PLXNB2: variants seen among roughly 807,000 people sequenced by gnomAD.
PLXNB2 encodes plexin B2.
Under a neutral mutation model 202.6 loss-of-function variants are expected in PLXNB2, and 85 were observed. The ratio of observed to expected loss-of-function variants is 0.42; its 90% confidence interval spans 0.35 to 0.50. The LOEUF (loss-of-function observed/expected upper bound fraction) is 0.50, where lower values mean the gene tolerates loss of function less well. PLXNB2 is among the 20% of genes least tolerant of loss of function. PLXNB2 has a pLI of 0.02. For missense variants in PLXNB2, 2,063 were observed against 2,586.2 expected, an observed-to-expected ratio of 0.80 and a Z score of 4.39; for synonymous variants, 1,239 against 1,137.6, an observed-to-expected ratio of 1.09 and a Z score of -1.79.
chr22:50,288,672 C>T lies in PLXNB2; in HGVS notation c.1380+71G>A. The T allele has an allele frequency of 6.3e-7, 1 of 1,586,570 alleles. No homozygotes were observed. The highest frequency in any genetic ancestry group is 1.7e-5 in the Admixed American group (1 of 59,100). ...ATCCTCCTCTGGCCCCCAGGCCTGT[C>T]CTAAGGGCCTGGGATGCAATGACCG... On this transcript the variant is annotated intron_variant, in intron 5 of 36. Coordinates refer to ENST00000359337, the MANE Select transcript of PLXNB2 (RefSeq NM_012401.4). The surrounding 1 kb of genome is among the most constrained non-coding windows in gnomAD (Gnocchi z 5.0).
rs1402809986 is a variant in PLXNB2, at chr22:50,284,035, C to A, written c.2264-45G>T. On this transcript the variant is annotated intron_variant, in intron 13 of 36. Transcript: ENST00000359337. The surrounding 1 kb of genome is among the most constrained non-coding windows in gnomAD (Gnocchi z 8.0). ...CAGTGGTCACCCCGTGCCTGCCCGCCCCCGACCTGCTCCCCACTGCGCCCA... is the reference window on the plus strand; with the variant it reads ...CAGTGGTCACCCCGTGCCTGCCCGCACCCGACCTGCTCCCCACTGCGCCCA... The A allele has an allele frequency of 3.9e-6, 6 of 1,523,070 alleles. No homozygotes were observed. In the East Asian group the frequency reaches 1.5e-4, roughly 37 times the overall value. The allele number at this position is 1,523,070 out of a possible 1,614,324, so 94.3% of individuals were successfully genotyped here. A position where few individuals can be genotyped will look rare whatever the true frequency, so the allele number is the denominator to read the frequency against.
At position 50,297,801 on chromosome 22, in the gene PLXNB2, T is replaced by C. The variant is rs2067383401; in HGVS notation, c.-73-3023A>G. Among the ~76,000 whole-genome samples, 2 of 152,128 alleles carry C rather than the reference T, an allele frequency of 1.3e-5. No homozygotes were observed. The highest frequency in any genetic ancestry group is 2.9e-5 in the Non-Finnish European group (2 of 68,020). On this transcript the variant is annotated intron_variant, in intron 1 of 36. Transcript: ENST00000359337. This position sits in a 1 kb window ranked among gnomAD's most constrained non-coding sequence, Gnocchi z 5.3. Reference sequence around the variant, plus strand: ...TCATGTGGGCCATTCAGAAAGCTGCTCTGTGCCTCAGTTTCCCCATATGTA... The same window carrying C: ...TCATGTGGGCCATTCAGAAAGCTGCCCTGTGCCTCAGTTTCCCCATATGTA...
At chr22:50,279,907 G>T in intron 26 of PLXNB2, 98 bp downstream of exon 26, 3 of 1,394,274 alleles carry the variant, frequency 2.2e-6, no homozygotes, top group African/African-American at 1.4e-5. Flanking sequence ...TCCAGGCAGG[G>T]CCCACCTCAA....
At position 50,286,241 on chromosome 22, in the gene PLXNB2, G is replaced by T. The variant is rs1246119181; in HGVS notation, c.1809C>A (p.Ile603=). ...TIQLLLRRGN[I]FLTSYQYPFY... Reference sequence around the variant, plus strand: ...AGGGGTACTGGTAGGACGTGAGGAAGATGTTGCCTCGTCTAAGGAGGAGCT... The same window carrying T: ...AGGGGTACTGGTAGGACGTGAGGAATATGTTGCCTCGTCTAAGGAGGAGCT... The change falls in exon 9 of 37, where the codon ATC becomes ATA. Residue 603 remains isoleucine, a synonymous_variant. Transcript: ENST00000359337. 3 of 1,613,210 alleles carry T rather than the reference G, an allele frequency of 1.9e-6. No individual in the cohort carries two copies. The highest frequency in any genetic ancestry group is 2.7e-5 in the African/African-American group (2 of 74,942).
chr22:50,284,892 C>T lies in PLXNB2; in HGVS notation c.2089-227G>A, dbSNP rs1236122307. The T allele has an allele frequency of 7.6e-6, 5 of 659,364 alleles. No individual in the cohort carries two copies. The Admixed American group carries it at 8.3e-5, about 11-fold the overall frequency. 40.8% of individuals were successfully genotyped at this position (659,364 alleles called of 1,614,324 possible). On this transcript the variant is annotated intron_variant, in intron 11 of 36. Coordinates refer to ENST00000359337, the MANE Select transcript of PLXNB2 (RefSeq NM_012401.4). The surrounding 1 kb of genome is among the most constrained non-coding windows in gnomAD (Gnocchi z 8.0). ...ACGTCCTCTGTGGGTTTCCCACGGC[C>T]ACCTCCACCACTCATCCACACCTGA...
chr22:50,281,987 A>G lies in PLXNB2; in HGVS notation c.3212T>C (p.Val1071Ala). The stretch of plus-strand genomic sequence containing the variant: ...ACGGTGCCCGTCCATCTCGATCAGC[A>G]CCGTGAGGTTGTAGGCCTCTGGCTC... ...PEEPEAYNLT[V>A]LIEMDGHRAL... The change falls in exon 20 of 37, where the codon GTG becomes GCG. Residue 1071 changes from valine (V) to alanine (A), a missense_variant. Val to Ala is a moderately conservative substitution (Grantham distance 64, BLOSUM62 0). This residue lies in a region of PLXNB2 where 760 missense variants were observed against 1,109.4 expected (regional missense o/e 0.69). Transcript: ENST00000359337. 1 of 1,613,048 alleles carries G rather than the reference A, an allele frequency of 6.2e-7. No homozygotes were observed. Among genetic ancestry groups the G allele is most frequent in the Non-Finnish European group, 8.5e-7 (1 of 1,179,960 alleles).
At position 50,288,391 on chromosome 22, in the gene PLXNB2, AC is replaced by A. The variant is rs1403812458; in HGVS notation, c.1380+351del. ...CCCATGTTCTCCACTGACTGAGCTCACATGGGCTGTGCAGGGACCCCGTCTT... is the reference window on the plus strand; with the variant it reads ...CCCATGTTCTCCACTGACTGAGCTCAATGGGCTGTGCAGGGACCCCGTCTT... On this transcript the variant is annotated intron_variant, in intron 5 of 36. Transcript: ENST00000359337. This position sits in a 1 kb window ranked among gnomAD's most constrained non-coding sequence, Gnocchi z 5.0. Among the ~76,000 whole-genome samples the A allele has an allele frequency of 6.6e-6, 1 of 152,156 alleles. No individual in the cohort carries two copies. Among genetic ancestry groups the A allele is most frequent in the East Asian group, 1.9e-4 (1 of 5,184 alleles).
At chr22:50,293,507 CCGCTCACCCGGCCCAGCT>C in intron 2 of PLXNB2, among the ~76,000 whole-genome samples, 60 of 152,314 alleles carry the variant, frequency 3.9e-4, no homozygotes, top group African/African-American at 1.3e-3. Context: ...CCTCCCAGCC[CCGCTCACCCGGCCCAGCT>C]CGCTCACCCG....
At position 50,284,443 on chromosome 22, in the gene PLXNB2, G is replaced by T; in HGVS notation, c.2181+130C>A. On this transcript the variant is annotated intron_variant, in intron 12 of 36. Coordinates refer to ENST00000359337, the MANE Select transcript of PLXNB2 (RefSeq NM_012401.4). The surrounding 1 kb of genome is among the most constrained non-coding windows in gnomAD (Gnocchi z 8.0). The stretch of plus-strand genomic sequence containing the variant: ...CTTCCCCAGCAGCACAGGGCATGGC[G>T]AGCCCCTGGCTGGGCTCTGGTCCCT... The T allele has an allele frequency of 1.3e-6, 1 of 769,550 alleles. No homozygotes were observed. The allele number at this position is 769,550 out of a possible 1,614,324, so 47.7% of individuals were successfully genotyped here.
At chr22:50,300,220 A>G (rs774047530) in intron 1 of PLXNB2, 18 of 962,882 alleles carry the variant, frequency 1.9e-5, no homozygotes, top group Non-Finnish European at 2.2e-5. Context: ...AGTAACAATG[A>G]CGGCGGCGGC....
In PLXNB2 at chr22:50,275,021, T is replaced by G. The variant is rs185746898; in HGVS notation, c.*683A>C. On this transcript the variant is annotated 3_prime_UTR_variant, in exon 37 of 37. Coordinates refer to ENST00000359337, the MANE Select transcript of PLXNB2 (RefSeq NM_012401.4). ...TGTATTTGATTTACAATGAACAAGA[T>G]TTACAAAAAGGGGTGGGGTGGTCTT... The G allele has an allele frequency of 1.1e-4, 18 of 167,718 alleles. No homozygotes were observed. The highest frequency in any genetic ancestry group is 2.6e-5 in the Non-Finnish European group (2 of 77,954). 10.4% of individuals were successfully genotyped at this position (167,718 alleles called of 1,614,324 possible). A position where few individuals can be genotyped will look rare whatever the true frequency, so the allele number is the denominator to read the frequency against.
chr22:50,284,166 C>T lies in PLXNB2; in HGVS notation c.2229G>A (p.Lys743=), dbSNP rs2066244687. Residue 743 remains lysine, a synonymous_variant, in exon 13 of 37, where the codon AAG becomes AAA. Transcript: ENST00000359337. The surrounding 1 kb of genome is among the most constrained non-coding windows in gnomAD (Gnocchi z 8.0). ...NETLPLHLYV[K]SYGKNIDSKL... ...TGCTGTCGATATTCTTGCCGTAAGACTTGACGTAGAGGTGCAGGGGCAGCG... is the reference window on the plus strand; with the variant it reads ...TGCTGTCGATATTCTTGCCGTAAGATTTGACGTAGAGGTGCAGGGGCAGCG... The T allele has an allele frequency of 6.2e-7, 1 of 1,611,820 alleles. No individual in the cohort carries two copies. Among genetic ancestry groups the T allele is most frequent in the East Asian group, 2.2e-5 (1 of 44,754 alleles).
At chr22:50,306,579 G>T (rs576387002) in intron 1 of PLXNB2, among the ~76,000 whole-genome samples, 108 of 141,938 alleles carry the variant, frequency 7.6e-4, no homozygotes, top group Non-Finnish European at 1.4e-3. Flanking sequence ...GAACCTCCAA[G>T]CAAGGGCCGA....
In PLXNB2 at chr22:50,278,710, C is replaced by G. The variant is rs756757394; in HGVS notation, c.4547-14G>C. ...CCGGACGCCACTCTGTGGGAAGAGACAGCCCAGCTTGGGCCCCAGCCACCC... is the reference window on the plus strand; with the variant it reads ...CCGGACGCCACTCTGTGGGAAGAGAGAGCCCAGCTTGGGCCCCAGCCACCC... On this transcript the variant is annotated splice_polypyrimidine_tract_variant and intron_variant, in intron 28 of 36. Coordinates refer to ENST00000359337, the MANE Select transcript of PLXNB2 (RefSeq NM_012401.4). 4.4e-6 allele frequency: 7 copies of G among 1,604,940 alleles called. No homozygotes were observed. The highest frequency in any genetic ancestry group is 1.7e-5 in the Admixed American group (1 of 59,360).
Position 50,283,812 on chromosome 22 carries a change from G to C in PLXNB2, c.2421+21C>G, listed in dbSNP as rs546345537. On this transcript the variant is annotated intron_variant, in intron 14 of 36. Transcript: ENST00000359337. ...ATGCCAGGGACGAGGGAAGGTGTAG[G>C]CCAGGCTTCGAGGGGCTCACCCTGG... The C allele has an allele frequency of 8.1e-6, 13 of 1,611,710 alleles. No homozygotes were observed. In the South Asian group the frequency reaches 1.3e-4, roughly 16 times the overall value.
intron 16 of PLXNB2, 45 bp from the exon 17 acceptor site, chr22:50,283,231 C>T (rs375436809): frequency 7.2e-5 from 115 of 1,598,642 alleles, no homozygotes; most frequent in African/African-American, 9.4e-5. Flanking sequence ...GGGCACAGGA[C>T]GCCCTCGGTC....
In PLXNB2 at chr22:50,284,878, G is replaced by A. The variant is rs774401172; in HGVS notation, c.2089-213C>T. 1 of 679,876 alleles carries A rather than the reference G, an allele frequency of 1.5e-6. No individual in the cohort carries two copies. The highest frequency in any genetic ancestry group is 2.8e-6 in the Non-Finnish European group (1 of 360,554). The allele number at this position is 679,876 out of a possible 1,614,324, so 42.1% of individuals were successfully genotyped here. ...GCAGAAGCCTCTGAACGTCCTCTGT[G>A]GGTTTCCCACGGCCACCTCCACCAC... is the stretch of plus-strand genomic sequence containing the variant. On this transcript the variant is annotated intron_variant, in intron 11 of 36. Transcript: ENST00000359337. This position sits in a 1 kb window ranked among gnomAD's most constrained non-coding sequence, Gnocchi z 8.0.
chr22:50,305,359 C>A (rs972241190), intron 1 of PLXNB2, among the ~76,000 whole-genome samples: 10 of 152,240 alleles, frequency 6.6e-5, no homozygotes, highest in African/African-American at 2.4e-4. Context: ...CTCCTCCTCC[C>A]CGATGTGGTC....
chr22:50,277,896 T>C lies in PLXNB2; in HGVS notation c.5005A>G (p.Asn1669Asp), dbSNP rs1176561848. 5.0e-6 allele frequency: 8 copies of C among 1,613,072 alleles called. No homozygotes were observed. Among genetic ancestry groups the C allele is most frequent in the South Asian group, 2.2e-5 (2 of 91,090 alleles). Residue 1669 changes from asparagine (N) to aspartate (D), a missense_variant, in exon 32 of 37, where the codon AAC becomes GAC. This residue lies in a region of PLXNB2 where 760 missense variants were observed against 1,109.4 expected (regional missense o/e 0.69). Transcript: ENST00000359337. ...TGGATGGTGTCTTCATCCTGGATGT[T>C]GTGCTTCTCTGCCTGCTCGTCCAGG... is the stretch of plus-strand genomic sequence containing the variant. ...DFLDEQAEKH[N>D]IQDEDTIHIW... is the part of the protein sequence containing the mutation.
Sources: gnomAD v4.1 joint callset for allele counts (sites outside exome capture counted in the v4.1 genomes callset) on GRCh38, gnomAD v4.1.1 for gene constraint, gnomAD v4.1.1 regional missense constraint, Gnocchi (gnomAD v3.1) non-coding constraint, MANE v1.5 for transcripts, NCBI Gene and HGNC (gene_info 2026-07-23, HGNC 2026-07-21) for gene names.